Variants in CLCNKA observed in about 807,000 individuals in gnomAD.
CLCNKA encodes chloride voltage-gated channel Ka, also known as chloride channel protein ClC-Ka.
A neutral mutation model predicts 83.3 loss-of-function variants in CLCNKA; 66 were observed. That is an observed-to-expected ratio of 0.79 (90% CI 0.65 to 0.97). The LOEUF (loss-of-function observed/expected upper bound fraction) is 0.97. Among genes scored for constraint, CLCNKA ranks in the 50% least tolerant of loss-of-function variants. CLCNKA has a pLI of 0.00. For missense variants in CLCNKA, 806 were observed against 888.7 expected, an observed-to-expected ratio of 0.91 and a Z score of 1.18; for synonymous variants, 357 against 370.4, an observed-to-expected ratio of 0.96 and a Z score of 0.42.
At position 16,032,182 on chromosome 1, in the gene CLCNKA, C is replaced by G. The variant is rs761719813; in HGVS notation, c.1757-21C>G. Reference sequence around the variant, plus strand: ...GTTTCTTCATAATGCACCTCCCTCCCTCTCCCTCTCTACTTGCCAGAGTCC... The same window carrying G: ...GTTTCTTCATAATGCACCTCCCTCCGTCTCCCTCTCTACTTGCCAGAGTCC... On this transcript the variant is annotated intron_variant, in intron 16 of 19. Transcript: ENST00000331433. 2.2e-5 allele frequency: 35 copies of G among 1,604,734 alleles called. No individual in the cohort carries two copies. In the African/African-American group the frequency reaches 3.6e-4, roughly 17 times the overall value.
At chr1:16,026,472 C>A (rs1410435172) in intron 5 of CLCNKA, 64 bp from the exon 6 acceptor site, 32 of 1,601,882 alleles carry the variant, frequency 2.0e-5, no homozygotes, top group Non-Finnish European at 2.7e-5. Flanking sequence ...GGTGGGGAAG[C>A]CGTGCTGCCT....
In CLCNKA at chr1:16,022,690, CCT is replaced by C; in HGVS notation, c.72_73del (p.Cys25SerfsTer167). On this transcript the variant is annotated frameshift_variant, in exon 2 of 20. Coordinates refer to ENST00000331433, the MANE Select transcript of CLCNKA (RefSeq NM_004070.4). LOFTEE classifies it high-confidence loss of function. Reference sequence around the variant, plus strand: ...GTGACTCTGCAGGAGCTGTGGGGCCCCTGTCCCCACATCCGCCGAGCCATCCA... The same window carrying C: ...GTGACTCTGCAGGAGCTGTGGGGCCCGTCCCCACATCCGCCGAGCCATCCA... 6.4e-7 allele frequency: 1 copy of C among 1,552,744 alleles called. No homozygotes were observed.
Position 16,029,308 on chromosome 1 carries a change from C to T in CLCNKA, c.1227+9C>T, listed in dbSNP as rs766592094. 2 of 1,613,740 alleles carry T rather than the reference C, an allele frequency of 1.2e-6. No homozygotes were observed. Among genetic ancestry groups the T allele is most frequent in the South Asian group, 2.2e-5 (2 of 91,090 alleles). ...TCTTCCTGGTTATGAAGGTGGGCCC[C>T]CTGACCCCCAGGTGTGCACAGAGCC... On this transcript the variant is annotated intron_variant, in intron 12 of 19. Transcript: ENST00000331433.
Position 16,030,451 on chromosome 1 carries a change from G to A in CLCNKA, c.1409-10G>A. ...GGCCTGAGCCGACCTGTGTGGCTCT[G>A]CCCCGGCAGGGGCTGCAGCCTTCTC... On this transcript the variant is annotated splice_polypyrimidine_tract_variant and intron_variant, in intron 14 of 19. Coordinates refer to ENST00000331433, the MANE Select transcript of CLCNKA (RefSeq NM_004070.4). 2 of 1,612,300 alleles carry A rather than the reference G, an allele frequency of 1.2e-6. No homozygotes were observed. The highest frequency in any genetic ancestry group is 2.2e-5 in the East Asian group (1 of 44,874).
intron 3 of CLCNKA, 86 bp downstream of exon 3, chr1:16,024,014 G>T (rs2022243753): frequency 3.3e-6 from 5 of 1,536,560 alleles, no homozygotes; most frequent in South Asian, 2.2e-5. Flanking sequence ...AAGTGCAGCG[G>T]TGCAGGGACG....
intron 2 of CLCNKA, 47 bp downstream of exon 2, chr1:16,022,766 A>T: frequency 7.5e-7 from 1 of 1,330,376 alleles, no homozygotes; most frequent in South Asian, 1.6e-5. Flanking sequence ...CACTCAGGAC[A>T]TCATTCCTGC....
At chr1:16,030,424 C>T in intron 14 of CLCNKA, 37 bp from the exon 15 acceptor site, 4 of 1,610,732 alleles carry the variant, frequency 2.5e-6, no homozygotes, top group Non-Finnish European at 3.4e-6. Flanking sequence ...CCCCTGCCTC[C>T]TGGCCTGAGC....
intron 4 of CLCNKA, 83 bp downstream of exon 4, chr1:16,024,974 G>C (rs565844039): frequency 6.4e-7 from 1 of 1,567,116 alleles, no homozygotes; most frequent in East Asian, 2.2e-5. Context: ...GAATCGGGAA[G>C]CTGCAGCCTC....
At chr1:16,024,007 T>A (rs2022243181) in intron 3 of CLCNKA, 79 bp downstream of exon 3, 1 of 1,559,228 alleles carries the variant, frequency 6.4e-7, no homozygotes, top group African/African-American at 1.4e-5. Context: ...GGCCACCAAG[T>A]GCAGCGGTGC....
In CLCNKA at chr1:16,033,894, T is replaced by C. The variant is rs2022742233; in HGVS notation, c.*236T>C. 1.6e-6 allele frequency: 1 copy of C among 637,274 alleles called. No homozygotes were observed. The highest frequency in any genetic ancestry group is 2.9e-6 in the Non-Finnish European group (1 of 346,316). The allele number at this position is 637,274 out of a possible 1,614,324, so 39.5% of individuals were successfully genotyped here. On this transcript the variant is annotated 3_prime_UTR_variant, in exon 20 of 20. Coordinates refer to ENST00000331433, the MANE Select transcript of CLCNKA (RefSeq NM_004070.4). ...TTGGGCAGAGCTGAGTGTGAGAAGA[T>C]GGAAAACCAGTATCTGCCAGGTGCT...
At chr1:16,026,514 G>A (rs756524581) in intron 5 of CLCNKA, 22 bp from the exon 6 acceptor site, 1 of 1,613,750 alleles carries the variant, frequency 6.2e-7, no homozygotes, top group Admixed American at 1.7e-5. Flanking sequence ...GCCCTCACCT[G>A]GGCCCACCCT....
At chr1:16,026,845 G>A in intron 7 of CLCNKA, 70 bp downstream of exon 7, 3 of 1,584,692 alleles carry the variant, frequency 1.9e-6, no homozygotes, top group Non-Finnish European at 2.6e-6. Flanking sequence ...GGCTCCCTCG[G>A]CCCAGCTGAG....
At position 16,023,794 on chromosome 1, in the gene CLCNKA, C is replaced by T. The variant is rs2022233775; in HGVS notation, c.101-6C>T. ...CATAAGCTGGGACTCCGATACCCTG[C>T]CCCAGGTGGCCTGGAGTGGCTAAAG... On this transcript the variant is annotated splice_polypyrimidine_tract_variant and splice_region_variant and intron_variant, in intron 2 of 19. Coordinates refer to ENST00000331433, the MANE Select transcript of CLCNKA (RefSeq NM_004070.4). 1.2e-6 allele frequency: 2 copies of T among 1,613,822 alleles called. No homozygotes were observed. The highest frequency in any genetic ancestry group is 1.7e-5 in the Admixed American group (1 of 59,994).
intron 4 of CLCNKA, 102 bp from the exon 5 acceptor site, chr1:16,026,006 G>T (rs1313264573): frequency 4.6e-6 from 7 of 1,507,928 alleles, no homozygotes; most frequent in Non-Finnish European, 6.4e-6. Flanking sequence ...CGCCTGCCTC[G>T]GCCTCCCAAA....
At chr1:16,025,039 GC>G in intron 4 of CLCNKA, 148 bp downstream of exon 4, 1 of 1,081,816 alleles carries the variant, frequency 9.2e-7, no homozygotes, top group Non-Finnish European at 1.4e-6. Flanking sequence ...CAGCAAGAAG[GC>G]CAGATCTTGA....
Position 16,023,861 on chromosome 1 carries a change from G to C in CLCNKA, c.162G>C (p.Met54Ile). Residue 54 changes from methionine (M) to isoleucine (I), a missense_variant, in exon 3 of 20, where the codon ATG becomes ATC. Physicochemically the swap from Met to Ile is conservative, Grantham distance 10 (BLOSUM62 1). Transcript: ENST00000331433. ...FRLGEDWYFL[M>I]TLGVLMALVS... ...TGGGAGAAGACTGGTACTTCCTGAT[G>C]ACCCTCGGGGTGCTCATGGCCCTGG... 4 of 1,614,200 alleles carry C rather than the reference G, an allele frequency of 2.5e-6. No individual in the cohort carries two copies. Among genetic ancestry groups the C allele is most frequent in the Non-Finnish European group, 2.5e-6 (3 of 1,180,040 alleles).
chr1:16,029,645 A>G, intron 12 of CLCNKA, 86 bp from the exon 13 acceptor site: 2 of 1,527,802 alleles, frequency 1.3e-6, no homozygotes, highest in Non-Finnish European at 9.1e-7. Flanking sequence ...TATCTAGGAC[A>G]CTCCCCTGTC....
rs747312689 is a variant in CLCNKA at position 16,031,772 on chromosome 1, C to T, written c.1685C>T (p.Thr562Met). The change falls in exon 16 of 20, where the codon ACG becomes ATG. Residue 562 changes from threonine to methionine, a missense_variant. Transcript: ENST00000331433. ...NHSITTLAKDTPLEEVVKVVT... is the reference protein window; with the variant it reads ...NHSITTLAKDMPLEEVVKVVT... ...AGCATCACCACACTGGCCAAGGACA[C>T]GCCGCTGGAGGAGGTGGTCAAGGTT... 49 of 1,613,842 alleles carry T rather than the reference C, an allele frequency of 3.0e-5. No homozygotes were observed. In the East Asian group the frequency reaches 3.8e-4, roughly 12 times the overall value.
chr1:16,030,552 C>T lies in CLCNKA; in HGVS notation c.1500C>T (p.Pro500=), dbSNP rs143389794. 9.3e-6 allele frequency: 15 copies of T among 1,613,170 alleles called. No individual in the cohort carries two copies. Among genetic ancestry groups the T allele is most frequent in the Admixed American group, 6.7e-5 (4 of 60,028 alleles). ...CCGGCCAGATAGTGCATGCACTGCC[C>T]GTGCTGATGGCGGTGCTGGCAGCCA... is the stretch of plus-strand genomic sequence containing the variant. ...ELTGQIVHAL[P]VLMAVLAANA... Residue 500 remains proline, a synonymous_variant, in exon 15 of 20, where the codon CCC becomes CCT. Transcript: ENST00000331433.
Sources: gnomAD v4.1 joint callset for allele counts on GRCh38, gnomAD v4.1.1 for gene constraint, MANE v1.5 for transcripts, NCBI Gene and HGNC (gene_info 2026-07-23, HGNC 2026-07-21) for gene names.